The following TRABD2B variants were observed in gnomAD, a reference collection of about 807,000 sequenced individuals.
TRABD2B encodes metalloprotease TIKI2.
In TRABD2B, 14 loss-of-function variants were observed where a neutral mutation model predicts 40.1. The ratio of observed to expected loss-of-function variants is 0.35; its 90% CI spans 0.23 to 0.55. TRABD2B has a LOEUF of 0.55. TRABD2B is among the 20% of genes least tolerant of loss of function. The pLI is 0.90. For synonymous variants in TRABD2B, 263 were observed against 277.0 expected (o/e 0.95, Z 0.50); for missense variants, 541 against 648.6 (o/e 0.83, Z 1.80).
chr1:47,880,862 T>A (rs547246333), intron 2 of TRABD2B, among the ~76,000 whole-genome samples: 2 of 152,336 alleles, frequency 1.3e-5, no homozygotes, highest in African/African-American at 4.8e-5. Flanking sequence ...TTGCTATCAT[T>A]TGCTTTTTTT....
intron 2 of TRABD2B, among the ~76,000 whole-genome samples, chr1:47,832,503 T>C (rs1645264479): frequency 6.6e-6 from 1 of 152,158 alleles, no homozygotes; most frequent in African/African-American, 2.4e-5. Flanking sequence ...GCTTAGCAAA[T>C]ATTTGTTAGT....
chr1:47,838,875 T>C (rs1645355091), intron 2 of TRABD2B, among the ~76,000 whole-genome samples: 1 of 152,138 alleles, frequency 6.6e-6, no homozygotes, highest in African/African-American at 2.4e-5. Flanking sequence ...GGCTGAGCCC[T>C]AAATACTCCT....
At chr1:47,914,725 T>A (rs1425592528) in intron 2 of TRABD2B, among the ~76,000 whole-genome samples, 1 of 152,160 alleles carries the variant, frequency 6.6e-6, no homozygotes, top group East Asian at 1.9e-4. Context: ...TTGGCACTGC[T>A]CAGAAGGCCT....
chr1:47,867,385 G>C (rs930900481), intron 2 of TRABD2B, among the ~76,000 whole-genome samples: 5 of 152,194 alleles, frequency 3.3e-5, no homozygotes, highest in Admixed American at 6.5e-5. Flanking sequence ...TGGGTGACTT[G>C]AGTCAAGTTA....
At chr1:47,928,916 A>T (rs140443343) in intron 2 of TRABD2B, among the ~76,000 whole-genome samples, 23 of 152,358 alleles carry the variant, frequency 1.5e-4, no homozygotes, top group African/African-American at 5.3e-4. Flanking sequence ...TTGATCTCCC[A>T]GGTAAAACCC....
chr1:47,825,169 T>C (rs2124425637), intron 2 of TRABD2B, among the ~76,000 whole-genome samples: 1 of 152,308 alleles, frequency 6.6e-6, no homozygotes, highest in Middle Eastern at 3.4e-3. Flanking sequence ...TCCAAAGCTC[T>C]TCCAAATCTG....
intron 2 of TRABD2B, among the ~76,000 whole-genome samples, chr1:47,949,355 T>C (rs536702724): frequency 6.6e-6 from 1 of 151,584 alleles, no homozygotes; most frequent in East Asian, 1.9e-4. Flanking sequence ...CCAACTCTAT[T>C]GGCCTCTCCC....
At chr1:47,926,536 C>T (rs1644971570) in intron 2 of TRABD2B, among the ~76,000 whole-genome samples, 1 of 152,186 alleles carries the variant, frequency 6.6e-6, no homozygotes, top group Admixed American at 6.5e-5. Context: ...GTGCCAAGCA[C>T]TCTGTCCTTT....
intron 2 of TRABD2B, among the ~76,000 whole-genome samples, chr1:47,822,168 A>AC (rs55710364): frequency 6.7e-6 from 1 of 150,338 alleles, no homozygotes; most frequent in South Asian, 2.1e-4. Flanking sequence ...ACACACACAC[A>AC]AACACACATA....
intron 2 of TRABD2B, among the ~76,000 whole-genome samples, chr1:47,937,006 C>A (rs201313450): frequency 0.023 from 3,500 of 149,518 alleles, 96 homozygotes; most frequent in Admixed American, 0.09. Context: ...ACCACCATCA[C>A]CATCATCACC....
chr1:47,772,462 T>C (rs1183891159), intron 6 of TRABD2B, among the ~76,000 whole-genome samples: 2 of 151,842 alleles, frequency 1.3e-5, no homozygotes, highest in African/African-American at 4.8e-5. Flanking sequence ...GCCCTGCATC[T>C]GGGCTGAGCA....
intron 6 of TRABD2B, among the ~76,000 whole-genome samples, chr1:47,772,811 G>T (rs967932307): frequency 2.6e-5 from 4 of 152,248 alleles, no homozygotes; most frequent in African/African-American, 9.6e-5. Flanking sequence ...GGAGCTCAGG[G>T]CCTGCTCCCC....
intron 6 of TRABD2B, among the ~76,000 whole-genome samples, chr1:47,768,458 A>T (rs1221487184): frequency 2.0e-5 from 3 of 151,900 alleles, no homozygotes; most frequent in Non-Finnish European, 4.4e-5. Context: ...CTCTCAACAC[A>T]TACCACCCTC....
chr1:47,788,103 C>A (rs371204840), intron 4 of TRABD2B, among the ~76,000 whole-genome samples: 2 of 152,056 alleles, frequency 1.3e-5, no homozygotes, highest in Admixed American at 6.6e-5. Context: ...TACTGACCAG[C>A]CAAATGGAAT....
chr1:47,850,270 C>T (rs1388955134), intron 2 of TRABD2B, among the ~76,000 whole-genome samples: 3 of 152,306 alleles, frequency 2.0e-5, no homozygotes, highest in East Asian at 1.9e-4. Flanking sequence ...ACCAAGAGGA[C>T]GTGTGATGGA....
intron 2 of TRABD2B, among the ~76,000 whole-genome samples, chr1:47,926,124 T>A (rs566021374): frequency 5.9e-5 from 9 of 152,378 alleles, no homozygotes; most frequent in African/African-American, 2.2e-4. Flanking sequence ...CACTTGTTTA[T>A]TCTTATAATT....
chr1:47,798,227 T>C (rs1644774439), intron 3 of TRABD2B, among the ~76,000 whole-genome samples: 1 of 152,154 alleles, frequency 6.6e-6, no homozygotes, highest in Non-Finnish European at 1.5e-5. Flanking sequence ...CCTAATAGGG[T>C]AACTACGTGT....
At chr1:47,909,532 A>AGGG (rs1644725841) in intron 2 of TRABD2B, among the ~76,000 whole-genome samples, 2 of 131,912 alleles carry the variant, frequency 1.5e-5, no homozygotes, top group African/African-American at 5.6e-5. Flanking sequence ...GAGAAGGAGA[A>AGGG]GGAGGAGAAG....
At chr1:47,860,595 A>G (rs1643952536) in intron 2 of TRABD2B, among the ~76,000 whole-genome samples, 1 of 152,180 alleles carries the variant, frequency 6.6e-6, no homozygotes, top group Non-Finnish European at 1.5e-5. Context: ...CCAGCATCTT[A>G]TTAGTAAAAT....
Sources: allele counts gnomAD v4.1 joint callset (sites outside exome capture counted in the v4.1 genomes callset), GRCh38; gene constraint gnomAD v4.1.1; transcripts MANE v1.5; gene names NCBI Gene and HGNC (gene_info 2026-07-23, HGNC 2026-07-21).